The following STK39 variants were observed in gnomAD, a reference collection of about 807,000 sequenced individuals.
The protein encoded by STK39 is STE20/SPS1-related proline-alanine-rich protein kinase.
A neutral mutation model predicts 77.8 loss-of-function variants in STK39; 20 were observed. The observed-to-expected ratio is 0.26, with a 90% CI of 0.18 to 0.37. The LOEUF is 0.37. Among genes scored for constraint, STK39 ranks in the 10% least tolerant of loss-of-function variants. STK39 has a pLI of 1.00. For missense variants in STK39, 479 were observed against 656.5 expected (o/e 0.73, Z 2.95); for synonymous variants, 246 against 234.1 (o/e 1.05, Z -0.47).
chr2:168,193,349 A>G (rs1364471025), intron 1 of STK39, among the ~76,000 whole-genome samples: 1 of 152,176 alleles, frequency 6.6e-6, no homozygotes, highest in Non-Finnish European at 1.5e-5. Context: ...ATGATGCCAT[A>G]GTCTGAAATG....
rs191702082 is a variant in STK39, at chr2:168,126,540, T to C, written c.1089+3001A>G. On this transcript the variant is annotated intron_variant, in intron 10 of 17. Transcript: ENST00000355999. The stretch of plus-strand genomic sequence containing the variant: ...GGATGATCATGGTTGTTTATCAGAA[T>C]CACAAGCCAGAGCGGGGCTTGCGGG... Among the ~76,000 whole-genome samples, 325 of 152,292 alleles carry C rather than the reference T, an allele frequency of 2.1e-3. 1 individual carries two copies. Among genetic ancestry groups the C allele is most frequent in the African/African-American group, 7.6e-3 (316 of 41,550 alleles).
At chr2:168,072,106 C>T (rs1281551921) in intron 12 of STK39, among the ~76,000 whole-genome samples, 3 of 152,036 alleles carry the variant, frequency 2.0e-5, no homozygotes, top group Non-Finnish European at 2.9e-5. Flanking sequence ...ATCTATAGTT[C>T]CTAAGGTGGA....
chr2:168,195,538 G>C (rs570155512), intron 1 of STK39, among the ~76,000 whole-genome samples: 1 of 152,214 alleles, frequency 6.6e-6, no homozygotes, highest in Non-Finnish European at 1.5e-5. Flanking sequence ...TAGCCTACTA[G>C]CTACAGTATG....
intron 14 of STK39, among the ~76,000 whole-genome samples, chr2:168,042,485 A>C (rs1002065564): frequency 6.6e-6 from 1 of 152,156 alleles, no homozygotes; most frequent in Non-Finnish European, 1.5e-5. Context: ...CGGTTAGCCC[A>C]GTTCAAAGGT....
intron 10 of STK39, among the ~76,000 whole-genome samples, chr2:168,085,795 A>C (rs1178863142): frequency 6.6e-6 from 1 of 152,160 alleles, no homozygotes; most frequent in Non-Finnish European, 1.5e-5. Context: ...CCTCTCCTTG[A>C]ATCTGGGTGG....
chr2:168,108,743 C>T (rs947816742), intron 10 of STK39, among the ~76,000 whole-genome samples: 2 of 152,136 alleles, frequency 1.3e-5, no homozygotes, highest in African/African-American at 2.4e-5. Flanking sequence ...GCAATATTCA[C>T]GCATATTTCA....
At chr2:168,217,772 T>C (rs941749806) in intron 1 of STK39, among the ~76,000 whole-genome samples, 1 of 152,216 alleles carries the variant, frequency 6.6e-6, no homozygotes, top group East Asian at 1.9e-4. Context: ...TCAGTACAGA[T>C]GCAATCATCC....
chr2:168,099,726 T>C (rs1171620421), intron 10 of STK39, among the ~76,000 whole-genome samples: 1 of 152,250 alleles, frequency 6.6e-6, no homozygotes. Context: ...AGGTTGATAC[T>C]GACCTTCAGA....
At chr2:168,220,045 G>T (rs986496860) in intron 1 of STK39, among the ~76,000 whole-genome samples, 1 of 151,982 alleles carries the variant, frequency 6.6e-6, no homozygotes, top group African/African-American at 2.4e-5. Flanking sequence ...GAATAATGAT[G>T]ATAATCAAAG....
At chr2:168,101,451 A>G (rs1335687570) in intron 10 of STK39, among the ~76,000 whole-genome samples, 2 of 152,180 alleles carry the variant, frequency 1.3e-5, no homozygotes, top group South Asian at 4.1e-4. Context: ...AAAAATATAT[A>G]CATTGGCCAG....
intron 2 of STK39, among the ~76,000 whole-genome samples, chr2:168,177,810 T>C (rs1229356895): frequency 6.6e-6 from 1 of 152,172 alleles, no homozygotes; most frequent in Non-Finnish European, 1.5e-5. Context: ...TCAGACCCAT[T>C]GGGCAAATCT....
At chr2:168,152,340 C>A (rs1198681459) in intron 5 of STK39, among the ~76,000 whole-genome samples, 1 of 152,174 alleles carries the variant, frequency 6.6e-6, no homozygotes, top group Non-Finnish European at 1.5e-5. Context: ...CCAAGACAAT[C>A]CTCTGATTTG....
intron 4 of STK39, chr2:168,163,513 T>C: frequency 1.2e-6 from 1 of 809,196 alleles, no homozygotes; most frequent in Non-Finnish European, 1.5e-6. Context: ...AGTACTTTTT[T>C]CCCATCTATT....
intron 14 of STK39, among the ~76,000 whole-genome samples, chr2:168,033,515 G>C (rs1225896089): frequency 6.6e-6 from 1 of 152,134 alleles, no homozygotes; most frequent in Non-Finnish European, 1.5e-5. Context: ...GCAGAGCTCT[G>C]GATGGCTACA....
intron 5 of STK39, among the ~76,000 whole-genome samples, chr2:168,151,043 C>T (rs796256890): frequency 1.2e-4 from 18 of 152,240 alleles, no homozygotes; most frequent in African/African-American, 4.1e-4. Flanking sequence ...TGGGCCCCAA[C>T]CATGGCATGG....
chr2:168,217,192 G>A (rs574014332), intron 1 of STK39, among the ~76,000 whole-genome samples: 3 of 152,286 alleles, frequency 2.0e-5, no homozygotes, highest in Admixed American at 1.3e-4. Flanking sequence ...TCCACCAAGG[G>A]TGCCTAGAAA....
intron 10 of STK39, among the ~76,000 whole-genome samples, chr2:168,105,035 C>T (rs1024129654): frequency 3.3e-5 from 5 of 152,142 alleles, no homozygotes; most frequent in African/African-American, 1.2e-4. Context: ...AAGAACTGCA[C>T]AGTACATTAC....
intron 1 of STK39, among the ~76,000 whole-genome samples, chr2:168,245,789 A>G (rs568033765): frequency 6.6e-6 from 1 of 152,330 alleles, no homozygotes; most frequent in Non-Finnish European, 1.5e-5. Context: ...CCCTGAAGCT[A>G]TTTCAGGCAG....
intron 2 of STK39, among the ~76,000 whole-genome samples, chr2:168,180,028 G>T (rs1364851654): frequency 6.6e-6 from 1 of 152,082 alleles, no homozygotes; most frequent in Non-Finnish European, 1.5e-5. Flanking sequence ...AAATGGCTGA[G>T]ACCTCTAACA....
Sources: allele counts gnomAD v4.1 joint callset (sites outside exome capture counted in the v4.1 genomes callset), GRCh38; gene constraint gnomAD v4.1.1; transcripts MANE v1.5; gene names NCBI Gene and HGNC (gene_info 2026-07-23, HGNC 2026-07-21).